The following WDR59 variants were observed in gnomAD, a reference collection of about 807,000 sequenced individuals.
The protein encoded by WDR59 is WD repeat domain 59.
Under a neutral mutation model 131.2 loss-of-function variants are expected in WDR59, and 100 were observed. The ratio of observed to expected loss-of-function variants is 0.76; its 90% CI spans 0.65 to 0.90. The LOEUF is 0.90. Ranked by LOEUF, WDR59 falls within the 40% of genes least tolerant of loss-of-function variation. The pLI is 0.00. For synonymous variants in WDR59, 601 were observed against 466.2 expected (o/e 1.29, Z -3.72); for missense variants, 1,203 against 1,262.2 (o/e 0.95, Z 0.71).
chr16:74,899,254 T>A (rs2144862901), intron 18 of WDR59, among the ~76,000 whole-genome samples: 1 of 152,238 alleles, frequency 6.6e-6, no homozygotes, highest in East Asian at 1.9e-4. Context: ...ATGAAGCAGG[T>A]GGGCACCTCC....
chr16:74,949,155 C>A, intron 5 of WDR59, among the ~76,000 whole-genome samples: 1 of 151,128 alleles, frequency 6.6e-6, no homozygotes, highest in East Asian at 1.9e-4. Flanking sequence ...TCTGTCCCCA[C>A]AAAAATAAAA....
intron 17 of WDR59, among the ~76,000 whole-genome samples, chr16:74,905,603 A>G (rs890369422): frequency 6.6e-6 from 1 of 151,652 alleles, no homozygotes; most frequent in African/African-American, 2.4e-5. Context: ...AATGGCATCA[A>G]CCTGAGAGGT....
intron 9 of WDR59, among the ~76,000 whole-genome samples, chr16:74,922,815 T>C (rs1321266707): frequency 6.6e-6 from 1 of 152,228 alleles, no homozygotes. Flanking sequence ...GTATTTCAGT[T>C]CCTAAGAAGA....
chr16:74,876,159 A>C (rs1337432160), intron 25 of WDR59, among the ~76,000 whole-genome samples: 1 of 152,216 alleles, frequency 6.6e-6, no homozygotes, highest in Non-Finnish European at 1.5e-5. Context: ...TCAGAAAAAA[A>C]AGGCCAATAA....
intron 17 of WDR59, among the ~76,000 whole-genome samples, chr16:74,907,676 G>A (rs1202961790): frequency 6.6e-6 from 1 of 152,152 alleles, no homozygotes; most frequent in Non-Finnish European, 1.5e-5. Context: ...TTGCAGCAGG[G>A]AGGTTTGCAA....
chr16:74,906,036 C>T (rs1426301239), intron 17 of WDR59, among the ~76,000 whole-genome samples: 3 of 151,840 alleles, frequency 2.0e-5, no homozygotes, highest in South Asian at 2.1e-4. Flanking sequence ...GTGAGACGGC[C>T]GGGCGCGGTG....
chr16:74,982,633 G>C (rs1370147270), intron 1 of WDR59, among the ~76,000 whole-genome samples: 1 of 152,166 alleles, frequency 6.6e-6, no homozygotes, highest in Admixed American at 6.6e-5. Context: ...TTCTGTCCTA[G>C]TTGCCAGTAA....
chr16:74,974,518 G>A (rs906712658), intron 1 of WDR59, among the ~76,000 whole-genome samples: 4 of 151,906 alleles, frequency 2.6e-5, no homozygotes, highest in East Asian at 1.9e-4. Flanking sequence ...TTGGCACAGC[G>A]GGCATGAGGC....
intron 18 of WDR59, among the ~76,000 whole-genome samples, 173 bp downstream of exon 18, chr16:74,903,774 T>C (rs928417500): frequency 6.6e-6 from 1 of 152,210 alleles, no homozygotes; most frequent in Admixed American, 6.5e-5. Flanking sequence ...ACACAATTTA[T>C]AGCAGGTAAA....
chr16:74,966,166 A>T (rs1322060436), intron 1 of WDR59, among the ~76,000 whole-genome samples: 1 of 152,078 alleles, frequency 6.6e-6, no homozygotes, highest in East Asian at 1.9e-4. Flanking sequence ...ACTACATGCA[A>T]CCAAGCTGGT....
At chr16:74,877,824 C>T (rs539581167) in intron 25 of WDR59, among the ~76,000 whole-genome samples, 13 of 152,186 alleles carry the variant, frequency 8.5e-5, no homozygotes, top group South Asian at 6.2e-4. Flanking sequence ...GGATTACAGG[C>T]GTGAGCCACC....
At chr16:74,900,971 C>T (rs970471701) in intron 18 of WDR59, among the ~76,000 whole-genome samples, 1 of 152,204 alleles carries the variant, frequency 6.6e-6, no homozygotes, top group African/African-American at 2.4e-5. Context: ...TGGTGTTGGG[C>T]ACCTGTAATC....
chr16:74,972,940 A>T (rs2034046655), intron 1 of WDR59, among the ~76,000 whole-genome samples: 1 of 151,660 alleles, frequency 6.6e-6, no homozygotes, highest in Admixed American at 6.6e-5. Context: ...TTTCTATTCA[A>T]ATTAGATATT....
At position 74,942,712 on chromosome 16, in the gene WDR59, T is replaced by C. The variant is rs111246999; in HGVS notation, c.534+26A>G. 1,484 of 1,610,828 alleles carry C rather than the reference T, an allele frequency of 9.2e-4. 13 individuals carry two copies. The African/African-American group carries it at 0.016, about 18-fold the overall frequency. On this transcript the variant is annotated intron_variant, in intron 7 of 25. Coordinates refer to ENST00000262144, the MANE Select transcript of WDR59 (RefSeq NM_030581.4). ...CCCTCTGGGAGGGATCAAAGACCAATAAGGGCGAAAAAAGAGATTACTCAC... is the reference window on the plus strand; with the variant it reads ...CCCTCTGGGAGGGATCAAAGACCAACAAGGGCGAAAAAAGAGATTACTCAC...
chr16:74,950,997 A>C (rs1024452878), intron 4 of WDR59, among the ~76,000 whole-genome samples: 15 of 151,544 alleles, frequency 9.9e-5, no homozygotes, highest in African/African-American at 2.7e-4. Context: ...CTCCACAAAA[A>C]AAAAAAAAAA....
intron 1 of WDR59, among the ~76,000 whole-genome samples, chr16:74,980,660 T>C (rs1378194605): frequency 1.3e-5 from 2 of 152,096 alleles, no homozygotes; most frequent in Non-Finnish European, 2.9e-5. Flanking sequence ...CCAAAAAATC[T>C]AAAAGTTTTA....
intron 1 of WDR59, among the ~76,000 whole-genome samples, chr16:74,972,821 TAAAAAAAAAAAAAAAA>T (rs57885889): frequency 7.3e-5 from 4 of 55,044 alleles, no homozygotes; most frequent in Non-Finnish European, 1.1e-4. Flanking sequence ...GACTCTGTCT[TAAAAAAAAAAAAAAAA>T]AAAAAAAAAA....
intron 6 of WDR59, among the ~76,000 whole-genome samples, chr16:74,948,124 A>C (rs1204218248): frequency 6.6e-6 from 1 of 152,210 alleles, no homozygotes; most frequent in Admixed American, 6.5e-5. Context: ...TGGTGGGTGG[A>C]GGAAAAGATG....
intron 20 of WDR59, among the ~76,000 whole-genome samples, chr16:74,891,888 C>T (rs1191774874): frequency 6.6e-6 from 1 of 152,180 alleles, no homozygotes; most frequent in Non-Finnish European, 1.5e-5. Flanking sequence ...CGTGCCACTG[C>T]ACTCTAGCCT....
Sources: gnomAD v4.1 joint callset for allele counts (sites outside exome capture counted in the v4.1 genomes callset) on GRCh38, gnomAD v4.1.1 for gene constraint, MANE v1.5 for transcripts, NCBI Gene and HGNC (gene_info 2026-07-23, HGNC 2026-07-21) for gene names.